PRTG: variants seen among roughly 807,000 people sequenced by gnomAD.
The protein encoded by PRTG is immunoglobulin superfamily, DCC subclass, member 5.
Under a neutral mutation model 122.5 loss-of-function variants are expected in PRTG, and 67 were observed. The observed-to-expected ratio is 0.55, with a 90% CI of 0.45 to 0.67. PRTG has a LOEUF of 0.67. Ranked by LOEUF, PRTG falls within the 30% of genes least tolerant of loss-of-function variation. The pLI is 0.00. For missense variants in PRTG, 1,435 were observed against 1,415.4 expected, an observed-to-expected ratio of 1.01 and a Z score of -0.22; for synonymous variants, 554 against 501.1, an observed-to-expected ratio of 1.11 and a Z score of -1.41.
intron 11 of PRTG, among the ~76,000 whole-genome samples, chr15:55,652,738 A>G (rs2059359729): frequency 6.6e-6 from 1 of 152,182 alleles, no homozygotes; most frequent in Non-Finnish European, 1.5e-5. Flanking sequence ...CACAGTAACA[A>G]AAACACAAAT....
At chr15:55,739,405 G>A (rs1479904804) in intron 2 of PRTG, among the ~76,000 whole-genome samples, 1 of 151,812 alleles carries the variant, frequency 6.6e-6, no homozygotes, top group Non-Finnish European at 1.5e-5. Flanking sequence ...CTAAGATTAT[G>A]CCTTTATCTC....
chr15:55,641,320 T>C, intron 11 of PRTG, 112 bp from the exon 12 acceptor site: 1 of 656,150 alleles, frequency 1.5e-6, no homozygotes, highest in Non-Finnish European at 2.7e-6. Flanking sequence ...TGCATAAAAG[T>C]TCTCAGTAAT....
At chr15:55,633,248 T>C (rs1428611267) in intron 15 of PRTG, among the ~76,000 whole-genome samples, 4 of 152,156 alleles carry the variant, frequency 2.6e-5, no homozygotes, top group Non-Finnish European at 1.5e-5. Flanking sequence ...TAATCTTTTT[T>C]TTTTAATACT....
intron 11 of PRTG, among the ~76,000 whole-genome samples, chr15:55,669,683 A>G (rs897671356): frequency 5.3e-5 from 8 of 152,202 alleles, no homozygotes; most frequent in African/African-American, 1.9e-4. Flanking sequence ...GATCCAGTCA[A>G]CAGCTGCACA....
At chr15:55,667,380 T>A (rs1328851660) in intron 11 of PRTG, among the ~76,000 whole-genome samples, 1 of 152,144 alleles carries the variant, frequency 6.6e-6, no homozygotes, top group East Asian at 1.9e-4. Context: ...GGATTTTTTT[T>A]AGAAGTAAAT....
intron 15 of PRTG, among the ~76,000 whole-genome samples, chr15:55,630,199 G>A (rs1451922746): frequency 6.6e-6 from 1 of 152,110 alleles, no homozygotes; most frequent in Non-Finnish European, 1.5e-5. Context: ...TGTTAGCCAG[G>A]ATGGTCTCGA....
rs769111463 is a variant in PRTG at position 55,624,347 on chromosome 15, C to T, written c.3088G>A (p.Ala1030Thr). ...CAAATCCCGCAGCTCAGTACCTTTG[C>T]ATCAATGAAGCTGTTTGGCATGATC... ...PMIMPNSFIDAKGGTDLIINS... is the reference protein window; with the variant it reads ...PMIMPNSFIDTKGGTDLIINS... Residue 1030 changes from alanine to threonine, a missense_variant, in exon 18 of 20, where the codon GCA (alanine) becomes ACA (threonine). Physicochemically the swap from Ala to Thr is moderately conservative, Grantham distance 58. Transcript: ENST00000389286. 11 of 1,613,866 alleles carry T rather than the reference C, an allele frequency of 6.8e-6. No individual in the cohort carries two copies. The East Asian group carries it at 2.2e-4, about 33-fold the overall frequency.
chr15:55,721,563 T>G (rs2030824438), intron 2 of PRTG, among the ~76,000 whole-genome samples: 1 of 152,202 alleles, frequency 6.6e-6, no homozygotes, highest in Non-Finnish European at 1.5e-5. Flanking sequence ...ATTCATTTCC[T>G]TCATCTAATT....
At chr15:55,742,494 A>G in intron 1 of PRTG, 4 of 203,838 alleles carry the variant, frequency 2.0e-5, no homozygotes, top group African/African-American at 2.3e-5. Context: ...CCGGTCGCGG[A>G]GGCGCGGACG....
chr15:55,648,698 T>C (rs562310096), intron 11 of PRTG, among the ~76,000 whole-genome samples: 50 of 152,314 alleles, frequency 3.3e-4, no homozygotes, highest in African/African-American at 1.1e-3. Flanking sequence ...ACTATGGCAA[T>C]TGCTTAAGTT....
At chr15:55,646,562 TC>T (rs1197442139) in intron 11 of PRTG, among the ~76,000 whole-genome samples, 3 of 152,112 alleles carry the variant, frequency 2.0e-5, no homozygotes, top group Non-Finnish European at 4.4e-5. Flanking sequence ...GACCTCGTGA[TC>T]CACCCGCCTC....
chr15:55,663,738 C>T (rs2059422578), intron 11 of PRTG, among the ~76,000 whole-genome samples: 1 of 152,080 alleles, frequency 6.6e-6, no homozygotes, highest in South Asian at 2.1e-4. Flanking sequence ...GACAGGGTTT[C>T]ACCACGTTGG....
At chr15:55,724,430 T>G (rs1465022963) in intron 2 of PRTG, among the ~76,000 whole-genome samples, 1 of 152,126 alleles carries the variant, frequency 6.6e-6, no homozygotes, top group East Asian at 1.9e-4. Context: ...ATCACAGGGA[T>G]TGGAAGACAG....
chr15:55,664,780 T>A (rs1344933835), intron 11 of PRTG, among the ~76,000 whole-genome samples: 1 of 151,466 alleles, frequency 6.6e-6, no homozygotes, highest in Non-Finnish European at 1.5e-5. Context: ...AGAGATGGAG[T>A]CTCACCATCT....
At chr15:55,727,109 A>T (rs1376701214) in intron 2 of PRTG, among the ~76,000 whole-genome samples, 1 of 152,130 alleles carries the variant, frequency 6.6e-6, no homozygotes, top group Non-Finnish European at 1.5e-5. Context: ...AACCAGAAAA[A>T]GAAGTGAAAA....
chr15:55,697,534 T>TG (rs2059638276), intron 2 of PRTG, among the ~76,000 whole-genome samples: 1 of 152,164 alleles, frequency 6.6e-6, no homozygotes, highest in African/African-American at 2.4e-5. Context: ...TTGTTTGAGA[T>TG]GGAGTCTTGC....
chr15:55,626,943 T>C, intron 17 of PRTG, 65 bp downstream of exon 17: 1 of 1,483,636 alleles, frequency 6.7e-7, no homozygotes, highest in Non-Finnish European at 9.1e-7. Context: ...GACTTTCATT[T>C]GTTTCCTGTG....
chr15:55,677,381 C>T (rs900226578), intron 8 of PRTG, among the ~76,000 whole-genome samples: 1 of 151,968 alleles, frequency 6.6e-6, no homozygotes, highest in Non-Finnish European at 1.5e-5. Flanking sequence ...TTACTTTCTC[C>T]CTTAAAAATA....
intron 2 of PRTG, 44 bp downstream of exon 2, chr15:55,740,338 T>G: frequency 6.7e-7 from 1 of 1,495,968 alleles, no homozygotes; most frequent in Non-Finnish European, 9.0e-7. Flanking sequence ...ATCATCAAAA[T>G]GTAGCAATGA....
Sources: gnomAD v4.1 joint callset for allele counts (sites outside exome capture counted in the v4.1 genomes callset) on GRCh38, gnomAD v4.1.1 for gene constraint, MANE v1.5 for transcripts, NCBI Gene and HGNC (gene_info 2026-07-23, HGNC 2026-07-21) for gene names.